Variants in FGGY observed in about 807,000 individuals in gnomAD.
FGGY encodes FGGY carbohydrate kinase domain containing, also known as FGGY carbohydrate kinase domain-containing protein.
FGGY carries 72 observed loss-of-function variants against 71.3 expected under a neutral mutation model. The observed-to-expected ratio is 1.01, with a 90% CI of 0.84 to 1.23. FGGY has a LOEUF of 1.23. Ranked by LOEUF, FGGY falls within the 50% of genes most tolerant of loss-of-function variation. The probability of loss-of-function intolerance (pLI) is 0.00; values close to 1 mark genes in which losing one functional copy is unlikely to be tolerated. For missense variants in FGGY, 668 were observed against 682.3 expected (o/e 0.98, Z 0.23); for synonymous variants, 251 against 250.3 (o/e 1.00, Z -0.02).
chr1:59,463,249 T>G (rs184304136), intron 6 of FGGY, among the ~76,000 whole-genome samples: 4 of 152,298 alleles, frequency 2.6e-5, no homozygotes, highest in African/African-American at 9.6e-5. Context: ...GAATTTCATA[T>G]CCAGCCAAAC....
intron 5 of FGGY, among the ~76,000 whole-genome samples, chr1:59,397,910 T>C (rs1221615209): frequency 3.3e-5 from 5 of 152,186 alleles, no homozygotes; most frequent in Non-Finnish European, 7.4e-5. Context: ...TCTTTGACCT[T>C]TGAAATAGCA....
chr1:59,546,647 C>T (rs762201095), intron 7 of FGGY, among the ~76,000 whole-genome samples: 1 of 151,620 alleles, frequency 6.6e-6, no homozygotes, highest in African/African-American at 2.4e-5. Flanking sequence ...CCCAGGTTCA[C>T]GCCATTCTCC....
intron 5 of FGGY, among the ~76,000 whole-genome samples, chr1:59,438,091 G>A (rs1209844104): frequency 6.6e-6 from 1 of 152,156 alleles, no homozygotes; most frequent in African/African-American, 2.4e-5. Flanking sequence ...CCAGTATATG[G>A]GTCAGTTGCT....
intron 10 of FGGY, among the ~76,000 whole-genome samples, chr1:59,630,183 A>G (rs2096895559): frequency 6.6e-6 from 1 of 152,132 alleles, no homozygotes; most frequent in African/African-American, 2.4e-5. Context: ...GCATGAGGGT[A>G]ACCACACCCA....
At chr1:59,557,221 C>T (rs1000159249) in intron 8 of FGGY, among the ~76,000 whole-genome samples, 1 of 152,136 alleles carries the variant, frequency 6.6e-6, no homozygotes, top group South Asian at 2.1e-4. Flanking sequence ...AAAAATTAAC[C>T]AAACAGAACA....
At chr1:59,446,756 T>G (rs1311324124) in intron 5 of FGGY, among the ~76,000 whole-genome samples, 1 of 152,194 alleles carries the variant, frequency 6.6e-6, no homozygotes, top group Non-Finnish European at 1.5e-5. Context: ...ATTATTCTGT[T>G]CTTCACTGGC....
At chr1:59,638,462 A>C (rs2153889938) in intron 11 of FGGY, 87 bp downstream of exon 11, 3 of 1,530,882 alleles carry the variant, frequency 2.0e-6, no homozygotes, top group East Asian at 2.3e-5. Context: ...AAAAAGGAAA[A>C]GAAAAAAATA....
At chr1:59,436,740 G>C (rs925714544) in intron 5 of FGGY, among the ~76,000 whole-genome samples, 2 of 150,996 alleles carry the variant, frequency 1.3e-5, no homozygotes, top group Admixed American at 6.6e-5. Flanking sequence ...CCTGTGCCTG[G>C]AGACTGGGTA....
chr1:59,518,307 G>C (rs1375227735), intron 7 of FGGY, among the ~76,000 whole-genome samples: 1 of 152,140 alleles, frequency 6.6e-6, no homozygotes, highest in Non-Finnish European at 1.5e-5. Flanking sequence ...TGTTCTAGAA[G>C]ACAGGATAAA....
chr1:59,434,811 C>T (rs1210796063), intron 5 of FGGY, among the ~76,000 whole-genome samples: 3 of 152,148 alleles, frequency 2.0e-5, no homozygotes, highest in Non-Finnish European at 4.4e-5. Flanking sequence ...ATACCATCAC[C>T]TTGAGGATTA....
At chr1:59,634,555 C>T (rs2096938241) in intron 10 of FGGY, among the ~76,000 whole-genome samples, 1 of 152,088 alleles carries the variant, frequency 6.6e-6, no homozygotes, top group African/African-American at 2.4e-5. Context: ...GACCACCATA[C>T]TCTCTGGGCA....
chr1:59,674,759 T>C (rs951112730), intron 14 of FGGY, among the ~76,000 whole-genome samples: 6 of 152,114 alleles, frequency 3.9e-5, no homozygotes, highest in African/African-American at 1.4e-4. Flanking sequence ...GAGGGAAAAC[T>C]TTTCCTCCCA....
At chr1:59,347,667 C>T (rs1186962582) in intron 4 of FGGY, among the ~76,000 whole-genome samples, 1 of 152,156 alleles carries the variant, frequency 6.6e-6, no homozygotes, top group Non-Finnish European at 1.5e-5. Flanking sequence ...CTACAACTAT[C>T]TGATCTTTGA....
intron 4 of FGGY, among the ~76,000 whole-genome samples, chr1:59,361,874 C>G (rs543532061): frequency 6.0e-4 from 92 of 152,228 alleles, no homozygotes; most frequent in African/African-American, 2.2e-3. Flanking sequence ...GTGAATTAAC[C>G]CCACTTGTCC....
At chr1:59,296,859 C>G (rs748248659), upstream of FGGY, 1 of 152,352 alleles carries the variant, frequency 6.6e-6, no homozygotes, top group Non-Finnish European at 1.5e-5. Context: ...GGCGCGGCTA[C>G]GTGCAGAATC....
chr1:59,721,968 T>C (rs1318502069), intron 14 of FGGY, among the ~76,000 whole-genome samples: 1 of 152,210 alleles, frequency 6.6e-6, no homozygotes, highest in African/African-American at 2.4e-5. Context: ...AGACCTTTGT[T>C]AATTAAAGCA....
chr1:59,468,204 G>C (rs2092748032), intron 6 of FGGY, among the ~76,000 whole-genome samples: 1 of 152,004 alleles, frequency 6.6e-6, no homozygotes, highest in African/African-American at 2.4e-5. Context: ...CGCCCGACTG[G>C]CTTCAATTGT....
chr1:59,723,333 A>G (rs1005062434), intron 14 of FGGY, among the ~76,000 whole-genome samples: 1 of 152,158 alleles, frequency 6.6e-6, no homozygotes, highest in African/African-American at 2.4e-5. Flanking sequence ...ACTGTAATCT[A>G]TTGCCACATG....
intron 14 of FGGY, among the ~76,000 whole-genome samples, chr1:59,738,265 G>C (rs79342004): frequency 0.021 from 3,138 of 152,322 alleles, 45 homozygotes; most frequent in Non-Finnish European, 0.034. Context: ...ATGCTGGTGA[G>C]ATTACAAAAA....
Sources: gnomAD v4.1 joint callset for allele counts (sites outside exome capture counted in the v4.1 genomes callset) on GRCh38, gnomAD v4.1.1 for gene constraint, MANE v1.5 for transcripts, NCBI Gene and HGNC (gene_info 2026-07-23, HGNC 2026-07-21) for gene names.